UMAD1: variants seen among roughly 807,000 people sequenced by gnomAD.
UMAD1 encodes UBAP1-MVB12-associated (UMA) domain containing 1, also known as UBAP1-MVB12-associated (UMA)-domain containing protein 1.
A neutral mutation model predicts 6.1 loss-of-function variants in UMAD1; 8 were observed. That is an observed-to-expected ratio of 1.30 (90% CI 0.76 to 2.35). The LOEUF is 2.35. UMAD1 is among the 30% of genes most tolerant of loss of function. The pLI, the probability that UMAD1 is intolerant of heterozygous loss-of-function variation, is 0.00. For missense variants in UMAD1, 130 were observed against 78.4 expected (o/e 1.66, Z -2.49); for synonymous variants, 56 against 31.4 (o/e 1.78, Z -2.61).
At chr7:7,674,324 A>G (rs1563109215) in intron 2 of UMAD1, among the ~76,000 whole-genome samples, 1 of 152,192 alleles carries the variant, frequency 6.6e-6, no homozygotes, top group Non-Finnish European at 1.5e-5. Flanking sequence ...GGCATCTGCT[A>G]GCATCAGCCA....
intron 2 of UMAD1, among the ~76,000 whole-genome samples, chr7:7,792,758 A>G (rs1782592981): frequency 1.3e-5 from 2 of 152,208 alleles, no homozygotes; most frequent in South Asian, 4.1e-4. Context: ...AACAACAGAA[A>G]TTTATTTCTC....
chr7:7,730,961 C>T (rs180738776), intron 2 of UMAD1, among the ~76,000 whole-genome samples: 2 of 152,226 alleles, frequency 1.3e-5, no homozygotes, highest in Admixed American at 6.5e-5. Context: ...TTGAAAGTTC[C>T]TCCTGGGGGA....
intron 3 of UMAD1, among the ~76,000 whole-genome samples, chr7:7,808,806 A>G (rs1239826421): frequency 6.6e-6 from 1 of 151,990 alleles, no homozygotes; most frequent in Non-Finnish European, 1.5e-5. Flanking sequence ...CCATTTGTGT[A>G]TTTGTCTTGA....
At chr7:7,655,095 T>G (rs991994120) in intron 1 of UMAD1, among the ~76,000 whole-genome samples, 2 of 152,152 alleles carry the variant, frequency 1.3e-5, no homozygotes, top group African/African-American at 4.8e-5. Flanking sequence ...ACAGCAATGA[T>G]TCCAGACAGT....
intron 2 of UMAD1, among the ~76,000 whole-genome samples, chr7:7,711,478 G>A (rs986321929): frequency 6.6e-6 from 1 of 152,026 alleles, no homozygotes; most frequent in South Asian, 2.1e-4. Flanking sequence ...TAAGGATATT[G>A]TACTTCAAGG....
At chr7:7,785,003 C>G (rs1299937730) in intron 2 of UMAD1, among the ~76,000 whole-genome samples, 1 of 152,146 alleles carries the variant, frequency 6.6e-6, no homozygotes, top group Non-Finnish European at 1.5e-5. Flanking sequence ...ATTGTCTGAA[C>G]TGTGTTGGAG....
intron 2 of UMAD1, among the ~76,000 whole-genome samples, chr7:7,783,785 CACCCTGTT>C (rs1782400078): frequency 6.6e-6 from 1 of 152,218 alleles, no homozygotes; most frequent in Non-Finnish European, 1.5e-5. Flanking sequence ...TTTTCATAGG[CACCCTGTT>C]ATACGCGGTA....
chr7:7,641,557 G>C (rs1784974919), intron 1 of UMAD1: 1 of 152,228 alleles, frequency 6.6e-6, no homozygotes, highest in South Asian at 2.1e-4. Flanking sequence ...GCGAGACTCT[G>C]GAGGGCGATC....
intron 2 of UMAD1, among the ~76,000 whole-genome samples, chr7:7,685,481 G>A (rs1231027774): frequency 6.6e-6 from 1 of 151,878 alleles, no homozygotes; most frequent in Non-Finnish European, 1.5e-5. Flanking sequence ...ACCAAGTTTT[G>A]TATTTTTAGT....
rs1011483545 is a variant in UMAD1, at chr7:7,878,769, G to A, written c.*1231G>A. On this transcript the variant is annotated 3_prime_UTR_variant, in exon 4 of 4. Coordinates refer to ENST00000682710, the MANE Select transcript of UMAD1 (RefSeq NM_001302348.2). The stretch of plus-strand genomic sequence containing the variant: ...ATTCCAGTTTTAAAGTATTATGCAT[G>A]TTTGTTTAATAAATGTGGCATGGTT... 2.0e-5 allele frequency: 3 copies of A among 152,168 alleles called. No individual in the cohort carries two copies. The highest frequency in any genetic ancestry group is 4.4e-5 in the Non-Finnish European group (3 of 68,022). 9.4% of individuals were successfully genotyped at this position (152,168 alleles called of 1,614,324 possible).
At chr7:7,692,852 C>T (rs1056941716) in intron 2 of UMAD1, among the ~76,000 whole-genome samples, 3 of 152,156 alleles carry the variant, frequency 2.0e-5, no homozygotes, top group Non-Finnish European at 2.9e-5. Context: ...CGTGATCTGC[C>T]TGCCTCGGCT....
chr7:7,816,562 A>G (rs542221403), intron 3 of UMAD1, among the ~76,000 whole-genome samples: 1 of 152,212 alleles, frequency 6.6e-6, no homozygotes, highest in Non-Finnish European at 1.5e-5. Context: ...GCATTCAAGG[A>G]CATTCTTTGG....
intron 2 of UMAD1, among the ~76,000 whole-genome samples, chr7:7,706,862 A>T (rs939603372): frequency 6.6e-6 from 1 of 152,182 alleles, no homozygotes; most frequent in Non-Finnish European, 1.5e-5. Flanking sequence ...TGACTTACTT[A>T]GATTTAAAAT....
chr7:7,804,001 A>G (rs902360329), intron 3 of UMAD1, among the ~76,000 whole-genome samples: 1 of 152,252 alleles, frequency 6.6e-6, no homozygotes, highest in Non-Finnish European at 1.5e-5. Flanking sequence ...GATGCTTTTA[A>G]GATTACAATC....
At chr7:7,649,275 G>A (rs1785168592) in intron 1 of UMAD1, among the ~76,000 whole-genome samples, 1 of 152,140 alleles carries the variant, frequency 6.6e-6, no homozygotes, top group African/African-American at 2.4e-5. Flanking sequence ...GCAGGGGCTT[G>A]TTATGAGGAA....
chr7:7,731,186 A>G (rs908788090), intron 2 of UMAD1, among the ~76,000 whole-genome samples: 35 of 150,862 alleles, frequency 2.3e-4, no homozygotes, highest in African/African-American at 2.7e-4. Context: ...TTCAGTAGAG[A>G]GGGGGGGGTT....
intron 2 of UMAD1, among the ~76,000 whole-genome samples, chr7:7,678,517 TA>T (rs2115116792): frequency 7.4e-6 from 1 of 134,612 alleles, no homozygotes; most frequent in East Asian, 2.2e-4. Flanking sequence ...TTAATATAGA[TA>T]AATATATTTA....
chr7:7,698,188 A>G (rs1403584632), intron 2 of UMAD1, among the ~76,000 whole-genome samples: 1 of 152,238 alleles, frequency 6.6e-6, no homozygotes, highest in Non-Finnish European at 1.5e-5. Flanking sequence ...TTTATTTTGA[A>G]TTGCTATATG....
chr7:7,864,059 G>A (rs1230571499), intron 3 of UMAD1, among the ~76,000 whole-genome samples: 2 of 152,204 alleles, frequency 1.3e-5, no homozygotes, highest in Admixed American at 1.3e-4. Flanking sequence ...GGGGTGAGAG[G>A]AGCATCTTTT....
Sources: gnomAD v4.1 joint callset for allele counts (sites outside exome capture counted in the v4.1 genomes callset) on GRCh38, gnomAD v4.1.1 for gene constraint, MANE v1.5 for transcripts, NCBI Gene and HGNC (gene_info 2026-07-23, HGNC 2026-07-21) for gene names.